Variants in WIF1 observed in about 807,000 individuals in gnomAD.
WIF1 encodes the protein Wnt inhibitory factor 1.
In WIF1, 35 loss-of-function variants were observed where a neutral mutation model predicts 53.5. The ratio of observed to expected loss-of-function variants is 0.65; its 90% CI spans 0.50 to 0.87. WIF1 has a LOEUF of 0.87. Ranked by LOEUF, WIF1 falls within the 40% of genes least tolerant of loss-of-function variation. The pLI, the probability that WIF1 is intolerant of heterozygous loss-of-function variation, is 0.00. For missense variants in WIF1, 467 were observed against 476.8 expected (o/e 0.98, Z 0.19); for synonymous variants, 171 against 170.4 (o/e 1.00, Z -0.03).
intron 2 of WIF1, among the ~76,000 whole-genome samples, chr12:65,111,230 A>T (rs955749855): frequency 4.6e-5 from 7 of 152,008 alleles, no homozygotes; most frequent in Admixed American, 6.5e-5. Context: ...TCAATCCCAG[A>T]TTTCTCTCCT....
intron 3 of WIF1, among the ~76,000 whole-genome samples, chr12:65,077,293 C>G (rs2136621244): frequency 6.6e-6 from 1 of 152,310 alleles, no homozygotes; most frequent in Non-Finnish European, 1.5e-5. Flanking sequence ...CTTTCTCCCA[C>G]TTTTCCATGT....
chr12:65,060,218 A>G (rs1332029374), intron 7 of WIF1, among the ~76,000 whole-genome samples: 1 of 152,162 alleles, frequency 6.6e-6, no homozygotes, highest in African/African-American at 2.4e-5. Flanking sequence ...AAGAAATGGA[A>G]ACGTCCACAC....
At chr12:65,104,979 A>G (rs1408723994) in intron 2 of WIF1, among the ~76,000 whole-genome samples, 2 of 152,230 alleles carry the variant, frequency 1.3e-5, no homozygotes, top group Non-Finnish European at 2.9e-5. Context: ...ATCATAAAGA[A>G]AAGATGATTT....
At chr12:65,072,549 A>G (rs1882800279) in intron 3 of WIF1, among the ~76,000 whole-genome samples, 1 of 152,176 alleles carries the variant, frequency 6.6e-6, no homozygotes, top group African/African-American at 2.4e-5. Context: ...GATGTGATAT[A>G]TGTTATGGTA....
intron 9 of WIF1, among the ~76,000 whole-genome samples, chr12:65,052,479 C>T (rs1353515303): frequency 6.6e-6 from 1 of 152,130 alleles, no homozygotes; most frequent in East Asian, 1.9e-4. Context: ...CTTCTGTCTC[C>T]AGTATCCTCC....
rs768260027 is a variant in WIF1, at chr12:65,083,734, C to CTCTTT, written c.289-5885_289-5881dup. On this transcript the variant is annotated intron_variant, in intron 2 of 9. Transcript: ENST00000286574. ...AAAATCAGCTTCCCCCACTTGATTT[C>CTCTTT]TCTTTTCTTTTCTTTCCTTTCCTTT... is the stretch of plus-strand genomic sequence containing the variant. 4.2e-5 allele frequency: 14 copies of CTCTTT among 335,564 alleles called. 1 individual carries two copies. Among genetic ancestry groups the CTCTTT allele is most frequent in the Non-Finnish European group, 6.7e-5 (12 of 178,976 alleles). 20.8% of individuals were successfully genotyped at this position (335,564 alleles called of 1,614,324 possible).
In WIF1 at chr12:65,056,415, G is replaced by A. The variant is rs1440184052; in HGVS notation, c.827-289C>T. Among the ~76,000 whole-genome samples, 5 of 64,186 alleles carry A rather than the reference G, an allele frequency of 7.8e-5. 1 individual carries two copies. The Middle Eastern group carries it at 0.058, about 741-fold the overall frequency. 42.1% of individuals were successfully genotyped at this position (64,186 alleles called of 152,430 possible). A position where few individuals can be genotyped will look rare whatever the true frequency, so the allele number is the denominator to read the frequency against. On this transcript the variant is annotated intron_variant, in intron 7 of 9. Transcript: ENST00000286574. The stretch of plus-strand genomic sequence containing the variant: ...TTTTTTTTTTTTTTTAAGTAAAGAC[G>A]GGTTTCATTCTGTTGGCCAGGCTAG...
chr12:65,054,966 A>G, intron 9 of WIF1, 152 bp downstream of exon 9: 2 of 712,604 alleles, frequency 2.8e-6, no homozygotes, highest in Non-Finnish European at 4.4e-6. Context: ...AGCTGCCTTT[A>G]ATGAAATGGA....
intron 2 of WIF1, among the ~76,000 whole-genome samples, chr12:65,083,523 TATAAAA>T: frequency 6.6e-6 from 1 of 152,316 alleles, no homozygotes; most frequent in South Asian, 2.1e-4. Context: ...CTCATAATCA[TATAAAA>T]TCACTAAGAC....
At chr12:65,064,440 T>G (rs1276737947) in intron 6 of WIF1, among the ~76,000 whole-genome samples, 1 of 152,214 alleles carries the variant, frequency 6.6e-6, no homozygotes, top group Non-Finnish European at 1.5e-5. Context: ...AAGGTTGTGA[T>G]GTCCCAAGGG....
intron 2 of WIF1, among the ~76,000 whole-genome samples, chr12:65,094,812 T>C (rs1883176572): frequency 6.6e-6 from 1 of 152,064 alleles, no homozygotes; most frequent in Non-Finnish European, 1.5e-5. Flanking sequence ...TATTACTAAC[T>C]TCCCTCCCAC....
At chr12:65,111,985 G>A (rs1391150207) in intron 2 of WIF1, among the ~76,000 whole-genome samples, 1 of 152,192 alleles carries the variant, frequency 6.6e-6, no homozygotes, top group Non-Finnish European at 1.5e-5. Context: ...AAGATAAAAT[G>A]TACAGCTCAG....
rs375064673 is a variant in WIF1 at position 65,082,990 on chromosome 12, G to A, written c.289-5136C>T. Among the ~76,000 whole-genome samples, 10 of 152,232 alleles carry A rather than the reference G, an allele frequency of 6.6e-5. No homozygotes were observed. In the East Asian group the frequency reaches 1.4e-3, roughly 21 times the overall value. The stretch of plus-strand genomic sequence containing the variant: ...TTAAAACAATAAAGTTATCATCTTT[G>A]TTCTAAAGAAGGTTTCAGGCATTTA... On this transcript the variant is annotated intron_variant, in intron 2 of 9. Coordinates refer to ENST00000286574, the MANE Select transcript of WIF1 (RefSeq NM_007191.5).
At chr12:65,066,474 C>T (rs753549078) in intron 6 of WIF1, among the ~76,000 whole-genome samples, 167 bp downstream of exon 6, 1 of 152,090 alleles carries the variant, frequency 6.6e-6, no homozygotes, top group Non-Finnish European at 1.5e-5. Flanking sequence ...TAAACTTTTG[C>T]TATTATGCTA....
chr12:65,075,473 A>C (rs1002550427), intron 3 of WIF1, among the ~76,000 whole-genome samples: 1 of 152,194 alleles, frequency 6.6e-6, no homozygotes, highest in Non-Finnish European at 1.5e-5. Flanking sequence ...AAACACTATA[A>C]AGCTACCACT....
chr12:65,118,977 A>G (rs1202315150), intron 2 of WIF1, among the ~76,000 whole-genome samples: 1 of 152,130 alleles, frequency 6.6e-6, no homozygotes, highest in African/African-American at 2.4e-5. Context: ...TGCAGTTCAA[A>G]CTGCCTTTTA....
intron 7 of WIF1, among the ~76,000 whole-genome samples, chr12:65,060,027 A>AC (rs1555185941): frequency 1.3e-5 from 2 of 151,900 alleles, no homozygotes; most frequent in Non-Finnish European, 2.9e-5. Flanking sequence ...TTCATTTAAA[A>AC]AAAAAACAAA....
intron 5 of WIF1, 45 bp from the exon 6 acceptor site, chr12:65,066,781 G>T: frequency 7.0e-7 from 1 of 1,438,418 alleles, no homozygotes; most frequent in South Asian, 1.3e-5. Context: ...TGGTATTTTG[G>T]AGCAGGACCA....
chr12:65,105,915 A>G (rs1273618357), intron 2 of WIF1, among the ~76,000 whole-genome samples: 1 of 152,022 alleles, frequency 6.6e-6, no homozygotes, highest in African/African-American at 2.4e-5. Flanking sequence ...AAAGGGGTAG[A>G]CTCTTCTCCA....
Sources: gnomAD v4.1 joint callset for allele counts (sites outside exome capture counted in the v4.1 genomes callset) on GRCh38, gnomAD v4.1.1 for gene constraint, MANE v1.5 for transcripts, NCBI Gene and HGNC (gene_info 2026-07-23, HGNC 2026-07-21) for gene names.